The following KCNG2 variants were observed in gnomAD, a reference collection of about 807,000 sequenced individuals.
KCNG2 encodes potassium voltage-gated channel modifier subfamily G member 2.
In KCNG2, 7 loss-of-function variants were observed where a neutral mutation model predicts 12.3. The observed-to-expected ratio is 0.57, with a 90% CI of 0.32 to 1.07. The LOEUF is 1.07. Among genes scored for constraint, KCNG2 ranks in the 50% least tolerant of loss-of-function variants. KCNG2 has a pLI of 0.04. For synonymous variants in KCNG2, 414 were observed against 351.4 expected (o/e 1.18, Z -1.99); for missense variants, 703 against 726.0 (o/e 0.97, Z 0.36).
At chr18:79,858,263 A>G (rs980019656) in intron 2 of KCNG2, among the ~76,000 whole-genome samples, 6 of 152,204 alleles carry the variant, frequency 3.9e-5, no homozygotes, top group Non-Finnish European at 8.8e-5. Flanking sequence ...CAGCCTCCCA[A>G]AATGCTGGGA....
intron 2 of KCNG2, among the ~76,000 whole-genome samples, chr18:79,862,560 T>C (rs1052099063): frequency 6.6e-6 from 1 of 152,018 alleles, no homozygotes; most frequent in African/African-American, 2.4e-5. Flanking sequence ...ACTTCTCGGG[T>C]TTTTCCCGGC....
intron 1 of KCNG2, among the ~76,000 whole-genome samples, chr18:79,813,441 A>G (rs1373623840): frequency 6.6e-6 from 1 of 152,230 alleles, no homozygotes; most frequent in East Asian, 1.9e-4. Context: ...AACTCCCAGA[A>G]AACTAGAATT....
intron 1 of KCNG2, among the ~76,000 whole-genome samples, chr18:79,832,808 G>A (rs899496748): frequency 1.3e-5 from 2 of 152,180 alleles, no homozygotes; most frequent in Non-Finnish European, 2.9e-5. Context: ...ATGCTTCAAC[G>A]TGTTCTCAGA....
At chr18:79,828,535 CTGTG>C (rs377411869) in intron 1 of KCNG2, among the ~76,000 whole-genome samples, 3 of 150,290 alleles carry the variant, frequency 2.0e-5, no homozygotes, top group South Asian at 2.1e-4. Flanking sequence ...TTATGCATGT[CTGTG>C]TGTGCATCTG....
chr18:79,881,373 T>A (rs536239442), intron 3 of KCNG2, among the ~76,000 whole-genome samples: 1 of 150,462 alleles, frequency 6.6e-6, no homozygotes, highest in Non-Finnish European at 1.5e-5. Context: ...ACACGCCGTA[T>A]GATTGGAAAG....
intron 1 of KCNG2, among the ~76,000 whole-genome samples, chr18:79,844,189 G>C (rs1327883437): frequency 1.3e-5 from 2 of 152,146 alleles, no homozygotes; most frequent in Non-Finnish European, 2.9e-5. Flanking sequence ...ATGAGTGGCT[G>C]AAGAACATGT....
rs1018754706 is a variant in KCNG2 at position 79,806,738 on chromosome 18, G to A, written c.-115+8724G>A. Among the ~76,000 whole-genome samples the A allele has an allele frequency of 5.9e-5, 9 of 152,182 alleles. No homozygotes were observed. The East Asian group carries it at 7.7e-4, about 13-fold the overall frequency. ...CTTTCTCTCCTTTTTAGTGCATGAA[G>A]CTTTCCTTTTTAGACTGTAATGGTG... On this transcript the variant is annotated intron_variant, in intron 1 of 3. Transcript: ENST00000316249.
intron 3 of KCNG2, among the ~76,000 whole-genome samples, chr18:79,891,647 AAT>A (rs2123126177): frequency 6.6e-6 from 1 of 152,272 alleles, no homozygotes; most frequent in South Asian, 2.1e-4. Context: ...ATTATCTAGG[AAT>A]ATGTTTAATT....
intron 1 of KCNG2, among the ~76,000 whole-genome samples, chr18:79,846,832 G>A (rs985665411): frequency 8.5e-5 from 13 of 152,112 alleles, no homozygotes; most frequent in Admixed American, 2.6e-4. Flanking sequence ...CCGTGTCACC[G>A]CCGAGGTTAA....
At chr18:79,857,636 G>C (rs1301399006) in intron 2 of KCNG2, among the ~76,000 whole-genome samples, 2 of 151,946 alleles carry the variant, frequency 1.3e-5, no homozygotes, top group Non-Finnish European at 2.9e-5. Context: ...CTAGAATACA[G>C]TTGTCAGCAA....
At chr18:79,897,550 G>A (rs932282959) in intron 3 of KCNG2, among the ~76,000 whole-genome samples, 9 of 152,086 alleles carry the variant, frequency 5.9e-5, no homozygotes, top group African/African-American at 2.2e-4. Flanking sequence ...TTTGACATTT[G>A]GTCACTCTCA....
At chr18:79,825,403 C>T (rs945856626) in intron 1 of KCNG2, among the ~76,000 whole-genome samples, 3 of 152,370 alleles carry the variant, frequency 2.0e-5, no homozygotes, top group Middle Eastern at 6.8e-3. Flanking sequence ...CAGCACATCA[C>T]AGACTCGTGT....
intron 3 of KCNG2, among the ~76,000 whole-genome samples, chr18:79,879,848 T>C (rs920457539): frequency 5.9e-5 from 9 of 151,866 alleles, no homozygotes; most frequent in Non-Finnish European, 1.3e-4. Flanking sequence ...AAAGCTTCCA[T>C]GGTGAGAGGG....
chr18:79,865,521 T>TGA (rs202165743), intron 3 of KCNG2, among the ~76,000 whole-genome samples: 25 of 58,706 alleles, frequency 4.3e-4, no homozygotes, highest in South Asian at 1.0e-3. Flanking sequence ...GTCTGGGTGC[T>TGA]GAGGTCTGTG....
chr18:79,852,679 G>C (rs751507067), intron 1 of KCNG2, among the ~76,000 whole-genome samples: 76 of 152,380 alleles, frequency 5.0e-4, no homozygotes, highest in Non-Finnish European at 8.1e-4. Flanking sequence ...CTGGGCGTGG[G>C]CCACCCTCTG....
chr18:79,844,923 G>A (rs146984832), intron 1 of KCNG2, among the ~76,000 whole-genome samples: 120 of 152,320 alleles, frequency 7.9e-4, no homozygotes, highest in African/African-American at 2.7e-3. Flanking sequence ...AGTAAAACCT[G>A]TTGCTCTGAT....
At chr18:79,876,739 G>T (rs1230974796) in intron 3 of KCNG2, among the ~76,000 whole-genome samples, 1 of 152,234 alleles carries the variant, frequency 6.6e-6, no homozygotes, top group South Asian at 2.1e-4. Flanking sequence ...AGACCGCCTG[G>T]TCTCGCTCTT....
intron 1 of KCNG2, among the ~76,000 whole-genome samples, chr18:79,832,138 T>C (rs1204054042): frequency 6.6e-6 from 1 of 152,098 alleles, no homozygotes; most frequent in Admixed American, 6.5e-5. Context: ...TGCTCATAGC[T>C]TGCCCGTCCT....
At chr18:79,879,850 G>C (rs1191589867) in intron 3 of KCNG2, among the ~76,000 whole-genome samples, 2 of 152,156 alleles carry the variant, frequency 1.3e-5, no homozygotes, top group Non-Finnish European at 2.9e-5. Context: ...AGCTTCCATG[G>C]TGAGAGGGAA....
Sources: allele counts gnomAD v4.1 joint callset (sites outside exome capture counted in the v4.1 genomes callset), GRCh38; gene constraint gnomAD v4.1.1; transcripts MANE v1.5; gene names NCBI Gene and HGNC (gene_info 2026-07-23, HGNC 2026-07-21).